Variants in NTM observed in about 807,000 individuals in gnomAD.
The protein encoded by NTM is IgLON family member 2.
A neutral mutation model predicts 42.1 loss-of-function variants in NTM; 13 were observed. That is an observed-to-expected ratio of 0.31 (90% confidence interval 0.20 to 0.49). The LOEUF (loss-of-function observed/expected upper bound fraction) is 0.49. Among genes scored for constraint, NTM ranks in the 20% least tolerant of loss-of-function variants. The pLI is 0.99. For missense variants in NTM, 373 were observed against 452.8 expected (o/e 0.82, Z 1.60); for synonymous variants, 187 against 179.2 (o/e 1.04, Z -0.35).
In NTM at chr11:131,886,778, G is replaced by C. The variant is rs888819150; in HGVS notation, c.83-24786G>C. On this transcript the variant is annotated intron_variant, in intron 1 of 8. Coordinates refer to ENST00000683400, the MANE Select transcript of NTM (RefSeq NM_001352005.2). ...CAAGCTTTGCTAACGATGTTTCTGTGCTTTTTAGCAGGGAGGAAGGGACGC... is the reference window on the plus strand; with the variant it reads ...CAAGCTTTGCTAACGATGTTTCTGTCCTTTTTAGCAGGGAGGAAGGGACGC... 7.2e-5 allele frequency among the ~76,000 whole-genome samples: 11 copies of C among 152,298 alleles called. No homozygotes were observed. In the East Asian group the frequency reaches 1.2e-3, roughly 16 times the overall value.
At chr11:131,613,143 C>T (rs1463947163) in intron 1 of NTM, among the ~76,000 whole-genome samples, 1 of 152,156 alleles carries the variant, frequency 6.6e-6, no homozygotes, top group East Asian at 1.9e-4. Context: ...CCATCTAGCA[C>T]ACTTCTTGCA....
chr11:132,274,135 T>C (rs2093617923), intron 4 of NTM, among the ~76,000 whole-genome samples: 1 of 152,186 alleles, frequency 6.6e-6, no homozygotes, highest in South Asian at 2.1e-4. Flanking sequence ...TTTTTTTCTT[T>C]GTTCAGCCTT....
intron 2 of NTM, among the ~76,000 whole-genome samples, chr11:132,074,546 T>C (rs2058115336): frequency 6.6e-6 from 1 of 152,208 alleles, no homozygotes; most frequent in Non-Finnish European, 1.5e-5. Context: ...ACAGCTTTTT[T>C]TTTTTAGGAT....
At chr11:132,076,578 CAAT>C (rs2058393309) in intron 2 of NTM, among the ~76,000 whole-genome samples, 1 of 152,020 alleles carries the variant, frequency 6.6e-6, no homozygotes, top group African/African-American at 2.4e-5. Context: ...TTTCAGTTGA[CAAT>C]AAGTTCTATG....
chr11:131,703,610 T>C (rs73591097), intron 1 of NTM, among the ~76,000 whole-genome samples: 6,385 of 152,238 alleles, frequency 0.042, 450 homozygotes, highest in African/African-American at 0.14. Flanking sequence ...CTTGGAACAA[T>C]GCACACACAA....
At chr11:131,401,138 A>G (rs1214617611) in intron 1 of NTM, among the ~76,000 whole-genome samples, 1 of 152,092 alleles carries the variant, frequency 6.6e-6, no homozygotes, top group Non-Finnish European at 1.5e-5. Flanking sequence ...CACAAAACCT[A>G]AAAATATTTA....
At chr11:131,550,751 C>T (rs1001561475) in intron 1 of NTM, among the ~76,000 whole-genome samples, 26 of 151,738 alleles carry the variant, frequency 1.7e-4, no homozygotes, top group African/African-American at 5.3e-4. Flanking sequence ...TGAGACGATC[C>T]TTTGAGCCCA....
Position 131,432,839 on chromosome 11 carries a change from C to CTTTTTTTTTTTTTTTTTTTT in NTM, c.82+61964_82+61983dup, listed in dbSNP as rs377739708. On this transcript the variant is annotated intron_variant, in intron 1 of 8. Coordinates refer to ENST00000683400, the MANE Select transcript of NTM (RefSeq NM_001352005.2). ...CTACAAAAGATGAAGATTTAGCATT[C>CTTTTTTTTTTTTTTTTTTTT]TTTTTTTTTTTTTTTTTTTTTTTTT... 8.0e-4 allele frequency among the ~76,000 whole-genome samples: 55 copies of CTTTTTTTTTTTTTTTTTTTT among 68,696 alleles called. 3 individuals are homozygous for CTTTTTTTTTTTTTTTTTTTT. The highest frequency in any genetic ancestry group is 1.1e-3 in the Non-Finnish European group (43 of 38,806). The allele number at this position is 68,696 out of a possible 152,430, so 45.1% of individuals were successfully genotyped here.
chr11:131,414,689 T>C (rs1485233392), intron 1 of NTM, among the ~76,000 whole-genome samples: 2 of 152,212 alleles, frequency 1.3e-5, no homozygotes, highest in Non-Finnish European at 2.9e-5. Flanking sequence ...GATGGACTGC[T>C]GCCAGTGATG....
intron 2 of NTM, among the ~76,000 whole-genome samples, chr11:131,963,836 A>G (rs1593224774): frequency 6.6e-6 from 1 of 152,216 alleles, no homozygotes; most frequent in Non-Finnish European, 1.5e-5. Context: ...CATCAGAATG[A>G]CACTTTGAGG....
intron 3 of NTM, among the ~76,000 whole-genome samples, chr11:132,163,348 G>A (rs779946075): frequency 7.2e-5 from 11 of 152,120 alleles, no homozygotes; most frequent in Admixed American, 2.6e-4. Context: ...TTCTCATGTC[G>A]TCGAACTTTT....
intron 7 of NTM, chr11:132,315,122 G>T: frequency 6.1e-6 from 6 of 980,060 alleles, no homozygotes; most frequent in Non-Finnish European, 7.3e-6. Context: ...GCTGACTGTG[G>T]GAATCATAAT....
intron 2 of NTM, among the ~76,000 whole-genome samples, chr11:132,021,880 G>T (rs375363726): frequency 1.3e-5 from 2 of 152,160 alleles, no homozygotes; most frequent in African/African-American, 4.8e-5. Flanking sequence ...TGTCCTTTCT[G>T]CTCAGGTTTC....
chr11:132,328,740 ATC>A (rs1266291640), intron 7 of NTM, among the ~76,000 whole-genome samples: 1 of 152,046 alleles, frequency 6.6e-6, no homozygotes, highest in African/African-American at 2.4e-5. Flanking sequence ...CCTTCCAGTT[ATC>A]TTTTTTTCTT....
At chr11:131,571,642 T>G (rs1056251409) in intron 1 of NTM, among the ~76,000 whole-genome samples, 2 of 152,202 alleles carry the variant, frequency 1.3e-5, no homozygotes, top group African/African-American at 2.4e-5. Context: ...GGAAAAACGT[T>G]GTGTTTAGGG....
intron 1 of NTM, among the ~76,000 whole-genome samples, chr11:131,636,999 G>T (rs764055129): frequency 6.6e-6 from 1 of 152,074 alleles, no homozygotes; most frequent in Admixed American, 6.6e-5. Context: ...AACCCAGATT[G>T]CCCTTAAAGC....
chr11:132,150,666 G>A (rs890691660), intron 3 of NTM, among the ~76,000 whole-genome samples: 1 of 151,982 alleles, frequency 6.6e-6, no homozygotes, highest in East Asian at 2.0e-4. Flanking sequence ...AAAAGATGGA[G>A]TAATGGAGTT....
At chr11:131,966,210 G>GATTC (rs1468859157) in intron 2 of NTM, among the ~76,000 whole-genome samples, 12 of 152,104 alleles carry the variant, frequency 7.9e-5, no homozygotes, top group Non-Finnish European at 1.5e-4. Context: ...AATGGATCCT[G>GATTC]ATTCATTCAT....
chr11:131,783,343 G>C (rs895176670), intron 1 of NTM, among the ~76,000 whole-genome samples: 1 of 152,138 alleles, frequency 6.6e-6, no homozygotes, highest in Non-Finnish European at 1.5e-5. Context: ...AAAAAGAAGA[G>C]ACAGTGCGCC....
Sources: gnomAD v4.1 joint callset for allele counts (sites outside exome capture counted in the v4.1 genomes callset) on GRCh38, gnomAD v4.1.1 for gene constraint, MANE v1.5 for transcripts, NCBI Gene and HGNC (gene_info 2026-07-23, HGNC 2026-07-21) for gene names.